Variants in MDN1 observed in about 807,000 individuals in gnomAD.
The protein encoded by MDN1 is midasin AAA ATPase 1, also known as midasin.
MDN1 carries 266 observed loss-of-function variants against 669.2 expected under a neutral mutation model. The ratio of observed to expected loss-of-function variants is 0.40; its 90% confidence interval spans 0.36 to 0.44. The LOEUF (loss-of-function observed/expected upper bound fraction) is 0.44, where lower values mean the gene tolerates loss of function less well. Ranked by LOEUF, MDN1 falls within the 20% of genes least tolerant of loss-of-function variation. MDN1 has a pLI of 1.00. For synonymous variants in MDN1, 2,385 were observed against 2,457.1 expected, an observed-to-expected ratio of 0.97 and a Z score of 0.87; for missense variants, 5,940 against 6,754.0, an observed-to-expected ratio of 0.88 and a Z score of 4.22.
Position 89,665,332 on chromosome 6 carries a change from T to A in MDN1, c.14095-704A>T, listed in dbSNP as rs577501709. On this transcript the variant is annotated intron_variant, in intron 84 of 101. Transcript: ENST00000369393. ...GTGAGCGACTGAGCCCAGCCTAATTTATATGTTTCTATATAATTGATGTGC... is the reference window on the plus strand; with the variant it reads ...GTGAGCGACTGAGCCCAGCCTAATTAATATGTTTCTATATAATTGATGTGC... Among the ~76,000 whole-genome samples the A allele has an allele frequency of 2.0e-5, 3 of 152,276 alleles. No homozygotes were observed. In the East Asian group the frequency reaches 5.8e-4, roughly 29 times the overall value.
chr6:89,785,385 A>G (rs1420659034), intron 8 of MDN1, among the ~76,000 whole-genome samples: 1 of 152,232 alleles, frequency 6.6e-6, no homozygotes, highest in Non-Finnish European at 1.5e-5. Context: ...AAATAATTCT[A>G]CAAGGTAAAT....
chr6:89,696,610 A>G, intron 59 of MDN1, 36 bp from the exon 60 acceptor site: 8 of 1,526,402 alleles, frequency 5.2e-6, no homozygotes, highest in Non-Finnish European at 7.3e-6. Context: ...ACTTTTAGAA[A>G]TTAAGACAAT....
At chr6:89,713,006 C>T in intron 47 of MDN1, 142 bp downstream of exon 47, 1 of 956,172 alleles carries the variant, frequency 1.0e-6, no homozygotes, top group Non-Finnish European at 1.5e-6. Context: ...AGAAAAGTAC[C>T]TGGATACCAG....
chr6:89,686,594 A>T (rs1812023722), intron 69 of MDN1, among the ~76,000 whole-genome samples: 1 of 152,226 alleles, frequency 6.6e-6, no homozygotes, highest in Non-Finnish European at 1.5e-5. Flanking sequence ...CCTACCAAAA[A>T]GTCAGCTTTC....
intron 14 of MDN1, 103 bp downstream of exon 14, chr6:89,772,470 A>T: frequency 1.5e-6 from 2 of 1,302,704 alleles, no homozygotes; most frequent in Non-Finnish European, 2.1e-6. Context: ...GGGTGCTGGC[A>T]CTCTTTAAAC....
At position 89,690,096 on chromosome 6, in the gene MDN1, T is replaced by TTCC; in HGVS notation, c.10796_10797insGGA (p.Gly3599_Thr3600insGlu). 1 of 1,614,188 alleles carries TTCC rather than the reference T, an allele frequency of 6.2e-7. No individual in the cohort carries two copies. Among genetic ancestry groups the TTCC allele is most frequent in the Non-Finnish European group, 8.5e-7 (1 of 1,180,028 alleles). Reference sequence around the variant, plus strand: ...CTTCCTCTTCTTGCCCATCTGAAGTTCCTTTGTTCTCCTCCAACGTTGGCT... The same window carrying TTCC: ...CTTCCTCTTCTTGCCCATCTGAAGTTTCCCCTTTGTTCTCCTCCAACGTTGGCT... On this transcript the variant is annotated inframe_insertion, in exon 65 of 102. Coordinates refer to ENST00000369393, the MANE Select transcript of MDN1 (RefSeq NM_014611.3).
Position 89,680,721 on chromosome 6 carries a change from C to A in MDN1, c.12133G>T (p.Ala4045Ser). ...ATIPEWCQGA[A>S]PSGLEGELLR... is the part of the protein sequence containing the mutation. ...AGCTCCCCTTCCAAGCCGGAAGGAG[C>A]AGCGCCCTGACACCACTCTGGAATT... Residue 4045 changes from alanine to serine, a missense_variant, in exon 74 of 102, where the codon GCT becomes TCT. Ala to Ser is a moderately conservative substitution (Grantham distance 99). Around this residue, in one of 5 missense-constraint regions of MDN1, gnomAD observed 2,280 missense variants for 2,576.3 expected, o/e 0.88. Transcript: ENST00000369393. The A allele has an allele frequency of 6.2e-7, 1 of 1,614,102 alleles. No individual in the cohort carries two copies. The highest frequency in any genetic ancestry group is 1.6e-4 in the Middle Eastern group (1 of 6,062).
intron 64 of MDN1, 124 bp downstream of exon 64, chr6:89,690,549 C>T: frequency 1.6e-6 from 2 of 1,242,984 alleles, no homozygotes; most frequent in Non-Finnish European, 2.2e-6. Context: ...TAGAGCAAGA[C>T]CCAGTCTCTA....
At chr6:89,812,447 C>A (rs1209751598) in intron 1 of MDN1, among the ~76,000 whole-genome samples, 1 of 152,056 alleles carries the variant, frequency 6.6e-6, no homozygotes, top group Non-Finnish European at 1.5e-5. Context: ...AAAATACTAA[C>A]CAATTCCGTT....
At chr6:89,739,059 G>A (rs554804611) in intron 32 of MDN1, among the ~76,000 whole-genome samples, 5 of 152,250 alleles carry the variant, frequency 3.3e-5, no homozygotes, top group South Asian at 2.1e-4. Context: ...TTATTGGTTT[G>A]TCTGATTACT....
At chr6:89,670,538 A>C (rs532418395) in intron 83 of MDN1, among the ~76,000 whole-genome samples, 44 of 152,278 alleles carry the variant, frequency 2.9e-4, no homozygotes, top group African/African-American at 1.1e-3. Flanking sequence ...CAACATGGTT[A>C]AAAGAAAACT....
Position 89,683,263 on chromosome 6 carries a change from C to G in MDN1, c.11971G>C (p.Glu3991Gln), listed in dbSNP as rs767618374. ...LSEPCRSSLV[E>Q]SDKEEQPDFL... ...TCAGGCTGTTCTTCCTTGTCACTCT[C>G]CACCAGGGATGACCGGCAGGGTTCA... The change falls in exon 73 of 102, where the codon GAG (glutamate) becomes CAG (glutamine). Residue 3991 changes from glutamate to glutamine, a missense_variant. Coordinates refer to ENST00000369393, the MANE Select transcript of MDN1 (RefSeq NM_014611.3). 3 of 1,614,152 alleles carry G rather than the reference C, an allele frequency of 1.9e-6. No homozygotes were observed. The South Asian group carries it at 3.3e-5, about 18-fold the overall frequency.
rs1814624427 is a variant in MDN1 at position 89,719,003 on chromosome 6, T to A, written c.6085A>T (p.Ser2029Cys). Residue 2029 changes from serine to cysteine, a missense_variant, in exon 42 of 102, where the codon AGC (serine) becomes TGC (cysteine). Ser to Cys is a moderately radical substitution (Grantham distance 112). Coordinates refer to ENST00000369393, the MANE Select transcript of MDN1 (RefSeq NM_014611.3). ...QLGYSVLSRGSCVPHPSRHPL... is the reference protein window; with the variant it reads ...QLGYSVLSRGCCVPHPSRHPL... ...TGGCGGGACGGGTGAGGAACACAGC[T>A]CCCACGGGAAAGGACTGAGTAGCCC... 1 of 1,613,972 alleles carries A rather than the reference T, an allele frequency of 6.2e-7. No homozygotes were observed. Among genetic ancestry groups the A allele is most frequent in the Non-Finnish European group, 8.5e-7 (1 of 1,180,008 alleles).
In MDN1 at chr6:89,707,367, G is replaced by A. The variant is rs1413791304; in HGVS notation, c.8008C>T (p.His2670Tyr). The A allele has an allele frequency of 6.2e-7, 1 of 1,600,786 alleles. No individual in the cohort carries two copies. Among genetic ancestry groups the A allele is most frequent in the African/African-American group, 1.3e-5 (1 of 74,610 alleles). Residue 2670 changes from histidine to tyrosine, a missense_variant, in exon 52 of 102, where the codon CAT (histidine) becomes TAT (tyrosine). Around this residue, in one of 5 missense-constraint regions of MDN1, gnomAD observed 2,292 missense variants for 2,638.3 expected, o/e 0.87. Transcript: ENST00000369393. Reference sequence around the variant, plus strand: ...AAAAGGTAAATGTTCTTACCTTGATGGAATTCAAAGGACATTCTCAAAACA... The same window carrying A: ...AAAAGGTAAATGTTCTTACCTTGATAGAATTCAAAGGACATTCTCAAAACA... ...ESVLRMSFEF[H>Y]QDPESYHTLP...
chr6:89,767,490 C>T lies in MDN1; in HGVS notation c.2144+4071G>A, dbSNP rs767200880. The stretch of plus-strand genomic sequence containing the variant: ...ATCAATCTAGGGCAGGGCACAGTGG[C>T]TCACACCTGTTAATTCCAGGACTTT... On this transcript the variant is annotated intron_variant, in intron 15 of 101. Coordinates refer to ENST00000369393, the MANE Select transcript of MDN1 (RefSeq NM_014611.3). 5.9e-5 allele frequency among the ~76,000 whole-genome samples: 9 copies of T among 152,268 alleles called. No individual in the cohort carries two copies. In the East Asian group the frequency reaches 1.7e-3, roughly 29 times the overall value.
chr6:89,782,634 T>G (rs951258175), intron 9 of MDN1, among the ~76,000 whole-genome samples: 1 of 132,904 alleles, frequency 7.5e-6, no homozygotes, highest in African/African-American at 2.8e-5. Flanking sequence ...ATAATAATAA[T>G]AATAATAAGA....
intron 33 of MDN1, among the ~76,000 whole-genome samples, chr6:89,734,895 G>T: frequency 6.9e-6 from 1 of 145,378 alleles, no homozygotes. Context: ...GTTGTTTCTT[G>T]GTTGTTTTTT....
At position 89,695,526 on chromosome 6, in the gene MDN1, G is replaced by A. The variant is rs1185806792; in HGVS notation, c.9771+79C>T. On this transcript the variant is annotated intron_variant, in intron 61 of 101. Transcript: ENST00000369393. The surrounding 1 kb of genome is among the most constrained non-coding windows in gnomAD (Gnocchi z 4.1). The stretch of plus-strand genomic sequence containing the variant: ...TTGTGATGATCTGAGCACCCAAAAG[G>A]GAATAAAAGGAGTAATACAATAAGC... 1 of 1,494,132 alleles carries A rather than the reference G, an allele frequency of 6.7e-7. No individual in the cohort carries two copies. The highest frequency in any genetic ancestry group is 9.0e-7 in the Non-Finnish European group (1 of 1,112,334). 92.6% of individuals were successfully genotyped at this position (1,494,132 alleles called of 1,614,324 possible). A position where few individuals can be genotyped will look rare whatever the true frequency, so the allele number is the denominator to read the frequency against.
chr6:89,665,706 C>CAAAAAAAA (rs61352567), intron 84 of MDN1, among the ~76,000 whole-genome samples: 1 of 126,250 alleles, frequency 7.9e-6, no homozygotes. Context: ...GACTCCGTTT[C>CAAAAAAAA]AAAAAAAAAA....
Sources: gnomAD v4.1 joint callset for allele counts (sites outside exome capture counted in the v4.1 genomes callset) on GRCh38, gnomAD v4.1.1 for gene constraint, gnomAD v4.1.1 regional missense constraint, Gnocchi (gnomAD v3.1) non-coding constraint, MANE v1.5 for transcripts, NCBI Gene and HGNC (gene_info 2026-07-23, HGNC 2026-07-21) for gene names.